NR3C1: variants seen among roughly 807,000 people sequenced by gnomAD.
NR3C1 encodes the protein glucocorticoid receptor.
In NR3C1, 14 loss-of-function variants were observed where a neutral mutation model predicts 74.0. The ratio of observed to expected loss-of-function variants is 0.19; its 90% CI spans 0.12 to 0.30. NR3C1 has a LOEUF of 0.30. Among genes scored for constraint, NR3C1 ranks in the 10% least tolerant of loss-of-function variants. The pLI is 1.00. For synonymous variants in NR3C1, 308 were observed against 332.5 expected (o/e 0.93, Z 0.80); for missense variants, 695 against 909.8 (o/e 0.76, Z 3.04).
chr5:143,380,399 A>G lies in NR3C1; in HGVS notation c.1184+19257T>C, dbSNP rs1049287947. Among the ~76,000 whole-genome samples, 48 of 151,542 alleles carry G rather than the reference A, an allele frequency of 3.2e-4. No homozygotes were observed. In the Middle Eastern group the frequency reaches 0.01, roughly 32 times the overall value. On this transcript the variant is annotated intron_variant, in intron 2 of 8. Transcript: ENST00000394464. ...ATTCACACTGAATCATACAAAAACC[A>G]TTTTTTTTTAAAGTCTTTATTTGAA...
At chr5:143,383,239 A>G (rs1009579001) in intron 2 of NR3C1, among the ~76,000 whole-genome samples, 5 of 152,196 alleles carry the variant, frequency 3.3e-5, no homozygotes, top group African/African-American at 1.2e-4. Context: ...ACTGCTCAAT[A>G]AAAGTGCTGT....
At chr5:143,358,159 T>A (rs1409872789) in intron 2 of NR3C1, among the ~76,000 whole-genome samples, 1 of 152,226 alleles carries the variant, frequency 6.6e-6, no homozygotes, top group Non-Finnish European at 1.5e-5. Context: ...CAGCAGCACT[T>A]CCCGTTCACC....
At chr5:143,344,240 G>A (rs762115501) in intron 2 of NR3C1, among the ~76,000 whole-genome samples, 8 of 152,032 alleles carry the variant, frequency 5.3e-5, no homozygotes, top group Non-Finnish European at 1.0e-4. Context: ...TACCCATATC[G>A]TACAAAAGTT....
intron 2 of NR3C1, among the ~76,000 whole-genome samples, chr5:143,331,403 A>C (rs1825905874): frequency 1.3e-5 from 2 of 152,184 alleles, no homozygotes; most frequent in African/African-American, 4.8e-5. Context: ...AAACAGAACT[A>C]CCATTCGACC....
In NR3C1 at chr5:143,298,870, G is replaced by T. The variant is rs939478489; in HGVS notation, c.1748-58C>A. 15 of 1,578,722 alleles carry T rather than the reference G, an allele frequency of 9.5e-6. No individual in the cohort carries two copies. The South Asian group carries it at 1.7e-4, about 18-fold the overall frequency. ...ACTCTTCAGAAGATCATCTCTGTGG[G>T]AATTGCCAAGGAGCAATGAGATCAA... On this transcript the variant is annotated intron_variant, in intron 5 of 8. Coordinates refer to ENST00000394464, the MANE Select transcript of NR3C1 (RefSeq NM_000176.3).
chr5:143,316,889 C>T (rs1822208473), intron 2 of NR3C1, among the ~76,000 whole-genome samples: 1 of 152,086 alleles, frequency 6.6e-6, no homozygotes, highest in South Asian at 2.1e-4. Flanking sequence ...TTAGATATTA[C>T]AATGTATGCA....
chr5:143,431,166 T>A (rs556865850), intron 1 of NR3C1, among the ~76,000 whole-genome samples: 2 of 151,994 alleles, frequency 1.3e-5, no homozygotes, highest in Non-Finnish European at 1.5e-5. Context: ...CGGGACTGGG[T>A]AAGAAATGTG....
At chr5:143,374,531 G>T (rs1049450527) in intron 2 of NR3C1, among the ~76,000 whole-genome samples, 2 of 151,336 alleles carry the variant, frequency 1.3e-5, no homozygotes, top group African/African-American at 4.9e-5. Context: ...GACATGATCA[G>T]GTGGGTGATC....
At chr5:143,301,188 G>A (rs1036227915) in intron 4 of NR3C1, among the ~76,000 whole-genome samples, 4 of 151,656 alleles carry the variant, frequency 2.6e-5, no homozygotes, top group African/African-American at 7.3e-5. Context: ...TTGGAGTAAC[G>A]GATTACAAAC....
chr5:143,291,149 T>C (rs1024104358), intron 7 of NR3C1, among the ~76,000 whole-genome samples: 5 of 152,314 alleles, frequency 3.3e-5, no homozygotes, highest in African/African-American at 1.2e-4. Flanking sequence ...TTTATATACA[T>C]AGTAAATGTC....
At chr5:143,400,993 G>A (rs941705558) in intron 1 of NR3C1, 141 bp from the exon 2 acceptor site, 28 of 727,632 alleles carry the variant, frequency 3.8e-5, no homozygotes, top group Non-Finnish European at 6.4e-5. Context: ...TACCAGAAGA[G>A]TAGTTTCTAT....
chr5:143,379,675 C>T (rs957596270), intron 2 of NR3C1, among the ~76,000 whole-genome samples: 1 of 152,176 alleles, frequency 6.6e-6, no homozygotes, highest in African/African-American at 2.4e-5. Context: ...ATAGTTGTTC[C>T]AAGCCTAGGT....
chr5:143,393,592 G>A (rs1393566220), intron 2 of NR3C1, among the ~76,000 whole-genome samples: 1 of 152,016 alleles, frequency 6.6e-6, no homozygotes, highest in Non-Finnish European at 1.5e-5. Context: ...TTAAAATTAA[G>A]GAAGCTCTTA....
chr5:143,367,508 TA>T (rs1182121434), intron 2 of NR3C1, among the ~76,000 whole-genome samples: 4 of 152,220 alleles, frequency 2.6e-5, no homozygotes, highest in African/African-American at 9.6e-5. Context: ...ATAGAAATCC[TA>T]AATCTATTAA....
intron 7 of NR3C1, among the ~76,000 whole-genome samples, chr5:143,285,816 A>T (rs1599669496): frequency 6.6e-6 from 1 of 152,078 alleles, no homozygotes; most frequent in South Asian, 2.1e-4. Flanking sequence ...GGTCTCAATT[A>T]ATTATATATG....
chr5:143,298,150 A>T (rs1817712668), intron 6 of NR3C1, among the ~76,000 whole-genome samples: 1 of 152,224 alleles, frequency 6.6e-6, no homozygotes, highest in African/African-American at 2.4e-5. Context: ...CTGATTTATA[A>T]AATCTTAAAG....
intron 1 of NR3C1, among the ~76,000 whole-genome samples, chr5:143,414,723 T>G (rs1387032904): frequency 1.3e-5 from 2 of 152,202 alleles, no homozygotes; most frequent in African/African-American, 4.8e-5. Flanking sequence ...GTTCAAGTTC[T>G]TTCTGGAATT....
chr5:143,352,653 A>G (rs193177133), intron 2 of NR3C1, among the ~76,000 whole-genome samples: 1 of 152,346 alleles, frequency 6.6e-6, no homozygotes, highest in East Asian at 1.9e-4. Flanking sequence ...CACTACATAT[A>G]AAAGTTATAT....
At chr5:143,351,362 T>C (rs1830189177) in intron 2 of NR3C1, among the ~76,000 whole-genome samples, 1 of 152,150 alleles carries the variant, frequency 6.6e-6, no homozygotes, top group African/African-American at 2.4e-5. Context: ...TGTCCAGCCA[T>C]ATCGCCCACA....
Sources: gnomAD v4.1 joint callset for allele counts (sites outside exome capture counted in the v4.1 genomes callset) on GRCh38, gnomAD v4.1.1 for gene constraint, MANE v1.5 for transcripts, NCBI Gene and HGNC (gene_info 2026-07-23, HGNC 2026-07-21) for gene names.